AGBL1: variants seen among roughly 807,000 people sequenced by gnomAD.
AGBL1 encodes AGBL carboxypeptidase 1.
A neutral mutation model predicts 118.9 loss-of-function variants in AGBL1; 130 were observed. The observed-to-expected ratio is 1.09, with a 90% confidence interval of 0.95 to 1.26. The LOEUF (loss-of-function observed/expected upper bound fraction) is 1.26, where lower values mean the gene tolerates loss of function less well. Among genes scored for constraint, AGBL1 ranks in the 50% most tolerant of loss-of-function variants. The pLI is 0.00. For missense variants in AGBL1, 1,584 were observed against 1,298.1 expected, an observed-to-expected ratio of 1.22 and a Z score of -3.38; for synonymous variants, 555 against 478.9, an observed-to-expected ratio of 1.16 and a Z score of -2.08.
intron 22 of AGBL1, among the ~76,000 whole-genome samples, chr15:86,891,084 T>G (rs185095619): frequency 2.6e-4 from 39 of 152,282 alleles, no homozygotes; most frequent in African/African-American, 8.9e-4. Context: ...GAGCAGTAGT[T>G]GAAGAAGTCC....
chr15:86,646,674 T>C (rs1423483052), intron 21 of AGBL1, among the ~76,000 whole-genome samples: 2 of 152,154 alleles, frequency 1.3e-5, no homozygotes, highest in Non-Finnish European at 2.9e-5. Flanking sequence ...CTGTATGCTT[T>C]TATAGGAAGA....
chr15:86,377,882 T>A (rs8037146), intron 17 of AGBL1, among the ~76,000 whole-genome samples: 36,721 of 152,062 alleles, frequency 0.24, 5,154 homozygotes, highest in East Asian at 0.62. Context: ...TGCCTGAAGA[T>A]AAAAACTCAT....
At chr15:86,369,745 T>C (rs899012393) in intron 17 of AGBL1, among the ~76,000 whole-genome samples, 1 of 152,172 alleles carries the variant, frequency 6.6e-6, no homozygotes, top group Admixed American at 6.5e-5. Flanking sequence ...AATATTAATA[T>C]TAAATGAGAA....
chr15:86,750,182 T>C (rs1332311216), intron 22 of AGBL1, among the ~76,000 whole-genome samples: 2 of 152,116 alleles, frequency 1.3e-5, no homozygotes, highest in African/African-American at 4.8e-5. Flanking sequence ...TGTGTGCATG[T>C]GTGTATATAT....
intron 21 of AGBL1, among the ~76,000 whole-genome samples, chr15:86,628,413 G>A (rs535008967): frequency 1.3e-5 from 2 of 152,276 alleles, no homozygotes; most frequent in East Asian, 1.9e-4. Context: ...CAAGATGAGG[G>A]TCTTACCTAG....
intron 18 of AGBL1, among the ~76,000 whole-genome samples, chr15:86,476,574 C>A (rs1297415163): frequency 6.6e-6 from 1 of 152,184 alleles, no homozygotes; most frequent in African/African-American, 2.4e-5. Flanking sequence ...CACCCAGATT[C>A]ATAAAGCAAG....
chr15:86,163,727 CA>C lies in AGBL1; in HGVS notation c.488+4710del, dbSNP rs112569129. On this transcript the variant is annotated intron_variant, in intron 5 of 22. Transcript: ENST00000614907. ...TGTGAGACAGAGTGAGATTCTGTCTCAAAAAAAAATGAATAAATAAAATTAA... is the reference window on the plus strand; with the variant it reads ...TGTGAGACAGAGTGAGATTCTGTCTCAAAAAAAATGAATAAATAAAATTAA... Among the ~76,000 whole-genome samples the C allele has an allele frequency of 1.7e-3, 249 of 145,634 alleles. 3 individuals carry two copies. The South Asian group carries it at 0.048, about 28-fold the overall frequency.
chr15:86,350,769 G>C (rs1021306183), intron 17 of AGBL1, among the ~76,000 whole-genome samples: 1 of 152,128 alleles, frequency 6.6e-6, no homozygotes, highest in African/African-American at 2.4e-5. Flanking sequence ...GATATTACAT[G>C]GTAATCCAGA....
At chr15:86,895,232 CT>C (rs951170203) in intron 22 of AGBL1, among the ~76,000 whole-genome samples, 1 of 150,392 alleles carries the variant, frequency 6.6e-6, no homozygotes, top group Non-Finnish European at 1.5e-5. Flanking sequence ...ACATTATATT[CT>C]TTTTTTCTCA....
At chr15:86,191,514 CAA>C (rs2077721343) in intron 5 of AGBL1, among the ~76,000 whole-genome samples, 1 of 151,906 alleles carries the variant, frequency 6.6e-6, no homozygotes, top group African/African-American at 2.4e-5. Flanking sequence ...AAGAAAAAGT[CAA>C]AGAGATTAAT....
intron 24 of AGBL1, among the ~76,000 whole-genome samples, chr15:87,016,660 A>G (rs1016393352): frequency 6.6e-6 from 1 of 152,226 alleles, no homozygotes; most frequent in Non-Finnish European, 1.5e-5. Flanking sequence ...ATTGGGATTG[A>G]CTAGGCAAAC....
intron 23 of AGBL1, among the ~76,000 whole-genome samples, chr15:86,933,640 C>G (rs192758688): frequency 2.4e-4 from 37 of 152,340 alleles, no homozygotes; most frequent in Admixed American, 6.5e-4. Context: ...CAGGAAGAAC[C>G]TGCTAGGTGA....
At chr15:86,732,854 C>G (rs1263266004) in intron 22 of AGBL1, among the ~76,000 whole-genome samples, 20 of 150,764 alleles carry the variant, frequency 1.3e-4, no homozygotes. Flanking sequence ...TCTAGAGAAA[C>G]AGAACCAATA....
intron 22 of AGBL1, among the ~76,000 whole-genome samples, chr15:86,700,082 A>G (rs1478970442): frequency 6.6e-6 from 1 of 151,892 alleles, no homozygotes; most frequent in Admixed American, 6.6e-5. Flanking sequence ...TTAGGTATAT[A>G]TCTATGGATT....
chr15:86,182,322 A>G (rs757627899), intron 5 of AGBL1, among the ~76,000 whole-genome samples: 4 of 151,184 alleles, frequency 2.6e-5, no homozygotes, highest in Non-Finnish European at 4.4e-5. Flanking sequence ...TTGTCATCTT[A>G]GGTTTTTTGC....
intron 23 of AGBL1, among the ~76,000 whole-genome samples, chr15:86,965,908 C>T (rs529568306): frequency 1.4e-4 from 22 of 151,954 alleles, no homozygotes; most frequent in Non-Finnish European, 2.1e-4. Flanking sequence ...ATGTAGATGA[C>T]GGGTTGATGG....
intron 18 of AGBL1, among the ~76,000 whole-genome samples, chr15:86,488,840 T>C (rs1330230196): frequency 6.6e-6 from 1 of 152,070 alleles, no homozygotes; most frequent in Non-Finnish European, 1.5e-5. Flanking sequence ...GCAGAAGGAA[T>C]TTCCCTATAG....
chr15:86,620,600 C>T (rs536050124), intron 21 of AGBL1, among the ~76,000 whole-genome samples: 1 of 152,244 alleles, frequency 6.6e-6, no homozygotes, highest in South Asian at 2.1e-4. Flanking sequence ...TAATCTGTCC[C>T]CAGAAATCAA....
chr15:86,427,715 G>A (rs1187181047), intron 18 of AGBL1, among the ~76,000 whole-genome samples: 1 of 152,154 alleles, frequency 6.6e-6, no homozygotes, highest in African/African-American at 2.4e-5. Context: ...AACTGTAGAT[G>A]ATATATTATG....
Sources: gnomAD v4.1 joint callset for allele counts (sites outside exome capture counted in the v4.1 genomes callset) on GRCh38, gnomAD v4.1.1 for gene constraint, MANE v1.5 for transcripts, NCBI Gene and HGNC (gene_info 2026-07-23, HGNC 2026-07-21) for gene names.